The following TCF4 variants were observed in gnomAD, a reference collection of about 807,000 sequenced individuals.
The protein encoded by TCF4 is transcription factor 4.
A neutral mutation model predicts 82.1 loss-of-function variants in TCF4; 3 were observed. The observed-to-expected ratio is 0.04, with a 90% confidence interval of 0.02 to 0.09. The LOEUF is 0.09. Ranked by LOEUF, TCF4 falls within the 10% of genes least tolerant of loss-of-function variation. The probability of loss-of-function intolerance (pLI) is 1.00; values close to 1 mark genes in which losing one functional copy is unlikely to be tolerated. For missense variants in TCF4, 518 were observed against 852.7 expected (o/e 0.61, Z 4.89); for synonymous variants, 276 against 309.6 (o/e 0.89, Z 1.14).
intron 8 of TCF4, among the ~76,000 whole-genome samples, chr18:55,291,064 G>C (rs994343677): frequency 4.6e-5 from 7 of 152,116 alleles, no homozygotes; most frequent in African/African-American, 1.4e-4. Flanking sequence ...TGGATTATCT[G>C]TCTAAGTGGT....
intron 5 of TCF4, among the ~76,000 whole-genome samples, chr18:55,406,126 C>CTTTTTTTTTTTTTTTTTTTT (rs34522468): frequency 1.7e-5 from 2 of 116,102 alleles, no homozygotes; most frequent in African/African-American, 3.2e-5. Flanking sequence ...GGGAGGTGGA[C>CTTTTTTTTTTTTTTTTTTTT]TTTTTTTTTT....
intron 10 of TCF4, 88 bp from the exon 11 acceptor site, chr18:55,270,051 T>C (rs1568581849): frequency 6.5e-7 from 1 of 1,529,304 alleles, no homozygotes; most frequent in Non-Finnish European, 9.0e-7. Context: ...CAACTCTCTA[T>C]TTTACAATGG....
rs573570194 is a variant in TCF4, at chr18:55,517,186, G to A, written c.146-53049C>T. ...GATACTGGACTATGCCACATGACAC[G>A]CTTTGACCAATGGAGTATCTGCAAG... On this transcript the variant is annotated intron_variant, in intron 3 of 19. Transcript: ENST00000354452. Among the ~76,000 whole-genome samples, 5 of 152,264 alleles carry A rather than the reference G, an allele frequency of 3.3e-5. No homozygotes were observed. In the South Asian group the frequency reaches 6.2e-4, roughly 19 times the overall value.
intron 5 of TCF4, among the ~76,000 whole-genome samples, chr18:55,413,807 T>C (rs2094438324): frequency 6.6e-6 from 1 of 152,240 alleles, no homozygotes; most frequent in East Asian, 1.9e-4. Context: ...ATGCATTACA[T>C]ATACTATGTT....
At chr18:55,362,057 A>T (rs959079830) in intron 6 of TCF4, among the ~76,000 whole-genome samples, 20 of 152,284 alleles carry the variant, frequency 1.3e-4, no homozygotes, top group African/African-American at 4.6e-4. Flanking sequence ...TAATCAACTC[A>T]TGCTTTTCCT....
At chr18:55,391,231 A>G (rs1457936567) in intron 6 of TCF4, among the ~76,000 whole-genome samples, 1 of 152,204 alleles carries the variant, frequency 6.6e-6, no homozygotes, top group Non-Finnish European at 1.5e-5. Context: ...AATAGATAAT[A>G]TATATTTCCA....
intron 8 of TCF4, chr18:55,302,330 A>G (rs2068581153): frequency 8.0e-7 from 1 of 1,242,868 alleles, no homozygotes; most frequent in Non-Finnish European, 1.1e-6. Context: ...TGGGTAACAT[A>G]CAAGTCAAAG....
chr18:55,437,136 G>C (rs1569474981), intron 5 of TCF4, among the ~76,000 whole-genome samples: 1 of 152,190 alleles, frequency 6.6e-6, no homozygotes, highest in Non-Finnish European at 1.5e-5. Flanking sequence ...AATAATGAAT[G>C]GGGGTTCTTT....
chr18:55,459,742 A>T (rs1229614441), intron 5 of TCF4, among the ~76,000 whole-genome samples: 4 of 152,196 alleles, frequency 2.6e-5, no homozygotes, highest in Non-Finnish European at 5.9e-5. Context: ...TCAACAACTG[A>T]TAAAGAACTG....
chr18:55,389,019 G>A (rs1216155980), intron 6 of TCF4, among the ~76,000 whole-genome samples: 5 of 151,926 alleles, frequency 3.3e-5, no homozygotes, highest in South Asian at 2.1e-4. Context: ...CCAGCTACTC[G>A]GGAGACTGAG....
chr18:55,519,754 A>G (rs1481814219), intron 3 of TCF4, among the ~76,000 whole-genome samples: 1 of 152,176 alleles, frequency 6.6e-6, no homozygotes, highest in African/African-American at 2.4e-5. Context: ...AACTTCATCT[A>G]TGGTTCATTA....
intron 2 of TCF4, among the ~76,000 whole-genome samples, chr18:55,625,650 A>G (rs921552052): frequency 3.3e-5 from 5 of 151,984 alleles, no homozygotes; most frequent in Non-Finnish European, 7.4e-5. Flanking sequence ...AGTTTATTTT[A>G]CCTCCCAAAG....
rs1048013829 is a variant in TCF4, at chr18:55,624,360, C to T, written c.286+6938G>A. Reference sequence around the variant, plus strand: ...TCTCATTATAAGGGACACAAGGCTGCCTTCCTCTCACTGGGCATCTCCCTA... The same window carrying T: ...TCTCATTATAAGGGACACAAGGCTGTCTTCCTCTCACTGGGCATCTCCCTA... On this transcript the variant is annotated intron_variant, in intron 2 of 20. Coordinates refer to the TCF4 transcript ENST00000398339. Among the ~76,000 whole-genome samples the T allele has an allele frequency of 3.3e-5, 5 of 152,140 alleles. No homozygotes were observed. In the East Asian group the frequency reaches 9.7e-4, roughly 29 times the overall value.
intron 5 of TCF4, among the ~76,000 whole-genome samples, chr18:55,456,922 C>T (rs753807988): frequency 2.6e-5 from 4 of 152,096 alleles, no homozygotes; most frequent in Non-Finnish European, 4.4e-5. Context: ...GTCCAGTGTA[C>T]ATTATAATCA....
At chr18:55,518,624 C>A (rs2096905567) in intron 3 of TCF4, among the ~76,000 whole-genome samples, 1 of 152,050 alleles carries the variant, frequency 6.6e-6, no homozygotes, top group Non-Finnish European at 1.5e-5. Context: ...ATTTTTTTAA[C>A]CGTGAGATAA....
intron 6 of TCF4, among the ~76,000 whole-genome samples, chr18:55,365,256 T>TAG (rs1489900950): frequency 3.5e-5 from 5 of 143,746 alleles, no homozygotes; most frequent in African/African-American, 1.3e-4. Flanking sequence ...TGTGTATATA[T>TAG]ATATATATAT....
chr18:55,236,187 C>A (rs191586490), intron 15 of TCF4, among the ~76,000 whole-genome samples: 1 of 152,036 alleles, frequency 6.6e-6, no homozygotes, highest in African/African-American at 2.4e-5. Context: ...AATAAGACAA[C>A]ACTTGAGGCT....
intron 8 of TCF4, among the ~76,000 whole-genome samples, chr18:55,318,397 T>C (rs187639675): frequency 6.6e-6 from 1 of 152,172 alleles, no homozygotes; most frequent in East Asian, 1.9e-4. Flanking sequence ...AGCTACTGAT[T>C]TTCTCTGCAA....
At chr18:55,601,111 C>A (rs544839878) in intron 2 of TCF4, among the ~76,000 whole-genome samples, 1 of 152,236 alleles carries the variant, frequency 6.6e-6, no homozygotes, top group Non-Finnish European at 1.5e-5. Flanking sequence ...TAGACAGGTT[C>A]TAACCACGTT....
Sources: gnomAD v4.1 joint callset for allele counts (sites outside exome capture counted in the v4.1 genomes callset) on GRCh38, gnomAD v4.1.1 for gene constraint, MANE v1.5 for transcripts, NCBI Gene and HGNC (gene_info 2026-07-23, HGNC 2026-07-21) for gene names.